The following RASA1 variants were observed in gnomAD, a reference collection of about 807,000 sequenced individuals.
The protein encoded by RASA1 is RAS p21 protein activator 1, also known as ras GTPase-activating protein 1.
Under a neutral mutation model 132.2 loss-of-function variants are expected in RASA1, and 25 were observed. The ratio of observed to expected loss-of-function variants is 0.19; its 90% CI spans 0.14 to 0.26. The LOEUF is 0.26. RASA1 is among the 10% of genes least tolerant of loss of function. The pLI, the probability that RASA1 is intolerant of heterozygous loss-of-function variation, is 1.00. For missense variants in RASA1, 964 were observed against 1,299.2 expected, an observed-to-expected ratio of 0.74 and a Z score of 3.97; for synonymous variants, 477 against 449.9, an observed-to-expected ratio of 1.06 and a Z score of -0.76.
At chr5:87,376,845 A>G (rs1016315238) in intron 16 of RASA1, 36 bp from the exon 17 acceptor site, 13 of 1,544,582 alleles carry the variant, frequency 8.4e-6, no homozygotes, top group Non-Finnish European at 1.2e-5. Flanking sequence ...TTATAATGCT[A>G]CGTACTTTAA....
At chr5:87,344,794 C>T (rs1282214015) in intron 6 of RASA1, among the ~76,000 whole-genome samples, 1 of 150,318 alleles carries the variant, frequency 6.7e-6, no homozygotes, top group African/African-American at 2.4e-5. Context: ...GTTGGGATTA[C>T]AGGTGTGAGC....
intron 8 of RASA1, among the ~76,000 whole-genome samples, chr5:87,350,809 T>G (rs1759209509): frequency 6.6e-6 from 1 of 151,756 alleles, no homozygotes; most frequent in African/African-American, 2.4e-5. Flanking sequence ...CCTGTGAATT[T>G]GTTTATAAAT....
At chr5:87,367,787 T>C (rs1760632895) in intron 11 of RASA1, among the ~76,000 whole-genome samples, 1 of 152,216 alleles carries the variant, frequency 6.6e-6, no homozygotes, top group Non-Finnish European at 1.5e-5. Context: ...GGCAGTTATT[T>C]TGCCATTTTA....
chr5:87,324,309 A>G (rs759438183), intron 1 of RASA1, among the ~76,000 whole-genome samples: 31 of 152,080 alleles, frequency 2.0e-4, no homozygotes, highest in African/African-American at 7.2e-4. Context: ...CTCTCTTTCA[A>G]CATTTGATCA....
intron 1 of RASA1, chr5:87,331,027 A>G (rs1272011729): frequency 7.5e-7 from 1 of 1,330,222 alleles, no homozygotes; most frequent in Non-Finnish European, 9.9e-7. Context: ...TTATTTTTCT[A>G]AGTAAAGATC....
At chr5:87,285,085 T>TA (rs1561254716) in intron 1 of RASA1, among the ~76,000 whole-genome samples, 11 of 150,156 alleles carry the variant, frequency 7.3e-5, no homozygotes, top group Non-Finnish European at 1.0e-4. Context: ...TTTATTTATT[T>TA]TGAGATGGAG....
At chr5:87,286,274 G>A (rs7341095) in intron 1 of RASA1, among the ~76,000 whole-genome samples, 10,606 of 152,098 alleles carry the variant, frequency 0.07, 835 homozygotes, top group African/African-American at 0.19. Context: ...AAAAGGATCT[G>A]ACATTTCTTT....
At chr5:87,338,536 A>ATATATATATATATATATTTTTT in intron 5 of RASA1, among the ~76,000 whole-genome samples, 3 of 85,220 alleles carry the variant, frequency 3.5e-5, no homozygotes, top group East Asian at 9.9e-4. Flanking sequence ...TATATATAAA[A>ATATATATATATATATATTTTTT]TTTTTTTTTT....
At position 87,375,521 on chromosome 5, in the gene RASA1, A is replaced by T. The variant is rs183778031; in HGVS notation, c.2011+605A>T. On this transcript the variant is annotated intron_variant, in intron 15 of 24. Transcript: ENST00000274376. ...GGTGATCTGCCGGCCTCGGCCTCCC[A>T]AAATGCTGGGATTACATTACCATAT... 1.5e-3 allele frequency among the ~76,000 whole-genome samples: 225 copies of T among 152,314 alleles called. 2 individuals are homozygous for T. The highest frequency in any genetic ancestry group is 5.1e-3 in the African/African-American group (214 of 41,554).
chr5:87,340,347 G>A (rs1048620438), intron 5 of RASA1, among the ~76,000 whole-genome samples: 3 of 151,604 alleles, frequency 2.0e-5, no homozygotes, highest in African/African-American at 7.3e-5. Context: ...ATTAATAATT[G>A]TGTAAAACTC....
chr5:87,269,280 A>T (rs1170238127), intron 1 of RASA1: 3 of 1,536,676 alleles, frequency 2.0e-6, no homozygotes, highest in Non-Finnish European at 2.6e-6. Flanking sequence ...TGTCCCTTCC[A>T]AGTTGAGGTG....
intron 22 of RASA1, among the ~76,000 whole-genome samples, chr5:87,385,932 A>G (rs1762033028): frequency 6.6e-6 from 1 of 152,046 alleles, no homozygotes; most frequent in South Asian, 2.1e-4. Flanking sequence ...TTGTTGTAAC[A>G]TATATTCTTG....
At chr5:87,333,433 A>G in intron 4 of RASA1, 96 bp downstream of exon 4, 1 of 1,546,458 alleles carries the variant, frequency 6.5e-7, no homozygotes, top group Non-Finnish European at 8.7e-7. Flanking sequence ...AATTTGAAGA[A>G]ATGGCATACA....
chr5:87,341,171 A>G (rs1311589113), intron 5 of RASA1, 119 bp from the exon 6 acceptor site: 1 of 542,736 alleles, frequency 1.8e-6, no homozygotes, highest in East Asian at 3.8e-5. Context: ...ATCTTTTTTT[A>G]TATAAACATA....
intron 6 of RASA1, among the ~76,000 whole-genome samples, chr5:87,343,226 G>A (rs1758609254): frequency 6.6e-6 from 1 of 152,106 alleles, no homozygotes; most frequent in Admixed American, 6.6e-5. Context: ...TGGGCACCAA[G>A]TCCTGATGAC....
chr5:87,321,940 A>G (rs893563382), intron 1 of RASA1, among the ~76,000 whole-genome samples: 2 of 152,172 alleles, frequency 1.3e-5, no homozygotes, highest in African/African-American at 4.8e-5. Context: ...AAGGTCAGGG[A>G]TATTGTTTCC....
rs555111346 is a variant in RASA1 at position 87,282,844 on chromosome 5, AT to A, written c.539+13855del. Among the ~76,000 whole-genome samples, 4 of 152,314 alleles carry A rather than the reference AT, an allele frequency of 2.6e-5. No homozygotes were observed. In the South Asian group the frequency reaches 8.3e-4, roughly 32 times the overall value. ...TATTGAGCCCATTAAGTTGAAAAAA[AT>A]AATTTTTAAATTGACAAAAATTGTG... On this transcript the variant is annotated intron_variant, in intron 1 of 24. Transcript: ENST00000274376.
chr5:87,294,488 C>T (rs948530948), intron 1 of RASA1: 14 of 152,196 alleles, frequency 9.2e-5, no homozygotes, highest in Admixed American at 6.5e-4. Flanking sequence ...GCTCTGATTA[C>T]TGATTTTTTA....
chr5:87,370,064 G>T (rs1267955310), intron 12 of RASA1, among the ~76,000 whole-genome samples, 164 bp downstream of exon 12: 2 of 152,028 alleles, frequency 1.3e-5, no homozygotes, highest in Non-Finnish European at 2.9e-5. Flanking sequence ...AAAGTTTTCT[G>T]AAAGAAATGC....
Sources: allele counts gnomAD v4.1 joint callset (sites outside exome capture counted in the v4.1 genomes callset), GRCh38; gene constraint gnomAD v4.1.1; transcripts MANE v1.5; gene names NCBI Gene and HGNC (gene_info 2026-07-23, HGNC 2026-07-21).